MCF2L: variants seen among roughly 807,000 people sequenced by gnomAD.
MCF2L encodes the protein guanine nucleotide exchange factor DBS.
MCF2L carries 97 observed loss-of-function variants against 153.4 expected under a neutral mutation model. The ratio of observed to expected loss-of-function variants is 0.63; its 90% CI spans 0.54 to 0.75. MCF2L has a LOEUF of 0.75. Among genes scored for constraint, MCF2L ranks in the 30% least tolerant of loss-of-function variants. The pLI is 0.00. For synonymous variants in MCF2L, 659 were observed against 632.2 expected (o/e 1.04, Z -0.64); for missense variants, 1,347 against 1,495.2 (o/e 0.90, Z 1.64).
At chr13:113,061,696 CCCCTCCCCCTTG>C (rs1474263748) in intron 5 of MCF2L, among the ~76,000 whole-genome samples, 1 of 55,042 alleles carries the variant, frequency 1.8e-5, no homozygotes, top group African/African-American at 6.3e-5. Flanking sequence ...CCCCTCCCCT[CCCCTCCCCCTTG>C]CCCTCCCCTC....
At chr13:113,058,815 G>T (rs147090373) in intron 4 of MCF2L, among the ~76,000 whole-genome samples, 1 of 150,356 alleles carries the variant, frequency 6.7e-6, no homozygotes, top group Non-Finnish European at 1.5e-5. Context: ...CTGAGTGGGC[G>T]CTGTGTGTTT....
chr13:113,093,661 C>T (rs889146402), intron 26 of MCF2L: 13 of 152,318 alleles, frequency 8.5e-5, no homozygotes, highest in African/African-American at 2.7e-4. Flanking sequence ...CAGTTTGTGC[C>T]CAAGCTCAAA....
intron 1 of MCF2L, chr13:113,009,194 G>C (rs1267751010): frequency 2.0e-5 from 3 of 152,270 alleles, no homozygotes; most frequent in Non-Finnish European, 2.9e-5. Context: ...TTGGTGTTGC[G>C]CGTCTGAGAT....
At position 113,088,925 on chromosome 13, in the gene MCF2L, C is replaced by T. The variant is rs555220430; in HGVS notation, c.2834+297C>T. On this transcript the variant is annotated intron_variant, in intron 25 of 29. Transcript: ENST00000535094. ...CACGCCCCAGCACTCCTCAGACAGT[C>T]GGGGCTCAGCTGGGAGCCGGCACTG... is the stretch of plus-strand genomic sequence containing the variant. Among the ~76,000 whole-genome samples the T allele has an allele frequency of 2.6e-5, 4 of 152,348 alleles. No individual in the cohort carries two copies. The East Asian group carries it at 5.8e-4, about 22-fold the overall frequency.
chr13:113,026,571 C>G (rs543742053), intron 3 of MCF2L, among the ~76,000 whole-genome samples: 1 of 152,328 alleles, frequency 6.6e-6, no homozygotes, highest in East Asian at 1.9e-4. Context: ...CATGCCTGTT[C>G]GATCAGCAGA....
chr13:113,026,552 A>G (rs2085321861), intron 3 of MCF2L, among the ~76,000 whole-genome samples: 1 of 152,162 alleles, frequency 6.6e-6, no homozygotes, highest in African/African-American at 2.4e-5. Context: ...CTCGTATACC[A>G]TCACTGCGCA....
At position 113,046,860 on chromosome 13, in the gene MCF2L, T is replaced by C. The variant is rs938624633; in HGVS notation, c.369+1499T>C. The C allele has an allele frequency of 6.1e-6, 2 of 325,458 alleles. No homozygotes were observed. The highest frequency in any genetic ancestry group is 1.2e-5 in the Non-Finnish European group (2 of 166,214). 20.2% of individuals were successfully genotyped at this position (325,458 alleles called of 1,614,324 possible). On this transcript the variant is annotated intron_variant, in intron 4 of 29. Coordinates refer to ENST00000535094, the MANE Select transcript of MCF2L (RefSeq NM_001112732.3). The surrounding 1 kb of genome is among the most constrained non-coding windows in gnomAD (Gnocchi z 4.4). ...AAAAAGTAGACGTGTATAGAATCGG[T>C]CTTCCTTTGTTTTAACAGTGCGTTC...
At chr13:113,029,288 C>T (rs921189990) in intron 3 of MCF2L, among the ~76,000 whole-genome samples, 3 of 152,128 alleles carry the variant, frequency 2.0e-5, no homozygotes, top group African/African-American at 4.8e-5. Context: ...GGGCTGCAGG[C>T]GTGCTGTGGG....
chr13:112,902,678 T>C (rs1219656122), intron 2 of MCF2L, among the ~76,000 whole-genome samples: 1 of 152,268 alleles, frequency 6.6e-6, no homozygotes, highest in Non-Finnish European at 1.5e-5. Context: ...GAAATGTTTC[T>C]TTGGGTTCCA....
intron 1 of MCF2L, among the ~76,000 whole-genome samples, chr13:112,977,647 C>T (rs2082260864): frequency 6.6e-6 from 1 of 152,164 alleles, no homozygotes; most frequent in Non-Finnish European, 1.5e-5. Flanking sequence ...TTCCGATTTC[C>T]TTGACTTCCT....
intron 7 of MCF2L, 60 bp downstream of exon 7, chr13:113,065,145 C>G (rs1191066702): frequency 6.3e-7 from 1 of 1,587,656 alleles, no homozygotes; most frequent in African/African-American, 1.4e-5. Context: ...AGAAGCTGCG[C>G]GGGGCTCCGG....
At chr13:112,972,557 T>A (rs998910450) in intron 1 of MCF2L, among the ~76,000 whole-genome samples, 1 of 137,614 alleles carries the variant, frequency 7.3e-6, no homozygotes, top group Non-Finnish European at 1.6e-5. Flanking sequence ...GATAAATAGA[T>A]AAATGGAGGA....
At chr13:113,062,366 C>T (rs749167391) in intron 5 of MCF2L, among the ~76,000 whole-genome samples, 28 of 152,156 alleles carry the variant, frequency 1.8e-4, no homozygotes, top group Middle Eastern at 3.4e-3. Flanking sequence ...CTCAGCGCCC[C>T]GCAGACAGCT....
chr13:112,895,979 C>T (rs947494026), intron 1 of MCF2L, among the ~76,000 whole-genome samples: 6 of 152,232 alleles, frequency 3.9e-5, no homozygotes, highest in African/African-American at 1.4e-4. Context: ...GGGGCCCCTC[C>T]CCTGGGGGCC....
In MCF2L at chr13:113,096,824, G is replaced by A; in HGVS notation, c.3343G>A (p.Gly1115Ser). Reference protein sequence around the residue: ...VLSNSSSCSEGGQAPFSDLQG With the variant: ...VLSNSSSCSESGQAPFSDLQG ...GAGCAACTCGTCCAGCTGCAGCGAG[G>A]GCGGCCAGGCCCCCTTCTCCGACCT... The change falls in exon 30 of 30, where the codon GGC becomes AGC. Residue 1115 changes from glycine (G) to serine (S), a missense_variant. Physicochemically the swap from Gly to Ser is moderately conservative, Grantham distance 56. Coordinates refer to ENST00000535094, the MANE Select transcript of MCF2L (RefSeq NM_001112732.3). The A allele has an allele frequency of 6.5e-7, 1 of 1,531,854 alleles. No individual in the cohort carries two copies. The highest frequency in any genetic ancestry group is 8.7e-7 in the Non-Finnish European group (1 of 1,149,776). 94.9% of individuals were successfully genotyped at this position (1,531,854 alleles called of 1,614,324 possible).
rs1288659256 is a variant in MCF2L at position 113,097,003 on chromosome 13, G to A, written c.*144G>A. ...CGTGCGGGCTGCAGAGGACCCCTCC[G>A]GGGCAGAGGCAGGTTCCACGGAAGA... is the stretch of plus-strand genomic sequence containing the variant. On this transcript the variant is annotated 3_prime_UTR_variant, in exon 30 of 30. Transcript: ENST00000535094. 2 of 483,930 alleles carry A rather than the reference G, an allele frequency of 4.1e-6. No homozygotes were observed. Among genetic ancestry groups the A allele is most frequent in the East Asian group, 4.1e-5 (1 of 24,242 alleles). The allele number at this position is 483,930 out of a possible 1,614,324, so 30.0% of individuals were successfully genotyped here.
intron 2 of MCF2L, among the ~76,000 whole-genome samples, chr13:112,950,850 A>T (rs2081685273): frequency 6.6e-6 from 1 of 152,222 alleles, no homozygotes; most frequent in Non-Finnish European, 1.5e-5. Context: ...TGATGCCAAA[A>T]GCATGATCCA....
At chr13:113,026,985 C>T (rs2085352555) in intron 3 of MCF2L, 1 of 778,962 alleles carries the variant, frequency 1.3e-6, no homozygotes, top group Non-Finnish European at 2.4e-6. Context: ...CTGAGAATGT[C>T]AGCCTCACAC....
At chr13:112,917,083 A>G (rs1330742588) in intron 2 of MCF2L, 4 of 471,120 alleles carry the variant, frequency 8.5e-6, no homozygotes, top group Admixed American at 7.0e-5. Flanking sequence ...TCTCCTGTCT[A>G]AACCTGCCTG....
Sources: gnomAD v4.1 joint callset for allele counts (sites outside exome capture counted in the v4.1 genomes callset) on GRCh38, gnomAD v4.1.1 for gene constraint, Gnocchi (gnomAD v3.1) non-coding constraint, MANE v1.5 for transcripts, NCBI Gene and HGNC (gene_info 2026-07-23, HGNC 2026-07-21) for gene names.